NXPE2: variants seen among roughly 807,000 people sequenced by gnomAD.
NXPE2 encodes NXPE family member 2.
NXPE2 carries 34 observed loss-of-function variants against 34.4 expected under a neutral mutation model. The ratio of observed to expected loss-of-function variants is 0.99; its 90% CI spans 0.75 to 1.31. The LOEUF is 1.31. Among genes scored for constraint, NXPE2 ranks in the 40% most tolerant of loss-of-function variants. The pLI is 0.00. For synonymous variants in NXPE2, 235 were observed against 231.3 expected (o/e 1.02, Z -0.15); for missense variants, 649 against 672.5 (o/e 0.97, Z 0.39).
chr11:114,719,289 G>A, the NXPE2 span, among the ~76,000 whole-genome samples: 1 of 152,122 alleles, frequency 6.6e-6, no homozygotes, highest in African/African-American at 2.4e-5. Flanking sequence ...GAAATAATAT[G>A]TTTAAAGAAC....
At chr11:114,658,814 A>G in the NXPE2 span, among the ~76,000 whole-genome samples, 1 of 152,172 alleles carries the variant, frequency 6.6e-6, no homozygotes, top group African/African-American at 2.4e-5. Context: ...TAACACGAAC[A>G]GAAGACCTAC....
At chr11:114,692,259 G>A (rs933303633) in intron 2 of NXPE2, among the ~76,000 whole-genome samples, 2 of 152,200 alleles carry the variant, frequency 1.3e-5, no homozygotes, top group African/African-American at 4.8e-5. Context: ...CAGGCAAGTA[G>A]CATGGGCAAG....
chr11:114,639,829 T>TA, the NXPE2 span, among the ~76,000 whole-genome samples: 1 of 88,600 alleles, frequency 1.1e-5, no homozygotes, highest in Non-Finnish European at 2.2e-5. Context: ...ATATAATATA[T>TA]ATTATATTAA....
the NXPE2 span, among the ~76,000 whole-genome samples, chr11:114,474,530 G>C: frequency 6.6e-6 from 1 of 152,176 alleles, no homozygotes; most frequent in East Asian, 1.9e-4. Flanking sequence ...TATCAAGTAA[G>C]ACTTACAGTT....
At chr11:114,713,661 C>T in the NXPE2 span, among the ~76,000 whole-genome samples, 1 of 152,210 alleles carries the variant, frequency 6.6e-6, no homozygotes, top group African/African-American at 2.4e-5. Flanking sequence ...ACTGTTGTCT[C>T]AGTTGTTCAG....
the NXPE2 span, among the ~76,000 whole-genome samples, chr11:114,639,485 C>A: frequency 3.3e-5 from 5 of 151,530 alleles, no homozygotes; most frequent in Non-Finnish European, 7.4e-5. Flanking sequence ...TGTCCTGTGC[C>A]CACTGTCTGG....
the NXPE2 span, among the ~76,000 whole-genome samples, chr11:114,625,555 G>T: frequency 1.3e-5 from 2 of 151,364 alleles, no homozygotes; most frequent in Non-Finnish European, 2.9e-5. Flanking sequence ...ACTGTTACCC[G>T]GTGGATAATA....
chr11:114,568,357 T>C, the NXPE2 span, among the ~76,000 whole-genome samples: 3 of 152,132 alleles, frequency 2.0e-5, no homozygotes, highest in Non-Finnish European at 4.4e-5. Flanking sequence ...AGTCACTCTA[T>C]TAATAGAAGA....
At chr11:114,594,206 G>A in the NXPE2 span, among the ~76,000 whole-genome samples, 1 of 152,064 alleles carries the variant, frequency 6.6e-6, no homozygotes, top group South Asian at 2.1e-4. Context: ...GCACAAGAAA[G>A]GATAAATTCT....
At chr11:114,781,963 A>T in the NXPE2 span, among the ~76,000 whole-genome samples, 1 of 152,164 alleles carries the variant, frequency 6.6e-6, no homozygotes, top group African/African-American at 2.4e-5. Context: ...TAGAAATGAC[A>T]TATGTGCAGT....
At chr11:114,580,149 A>G in the NXPE2 span, 2 of 1,613,684 alleles carry the variant, frequency 1.2e-6, no homozygotes, top group Non-Finnish European at 1.7e-6. Context: ...ACTGGCTTTG[A>G]AGTATTCCAT....
the NXPE2 span, among the ~76,000 whole-genome samples, chr11:114,484,064 T>A: frequency 2.6e-5 from 4 of 152,112 alleles, no homozygotes; most frequent in Non-Finnish European, 4.4e-5. Context: ...ATGGAGAACT[T>A]GGGAAAGTTC....
the NXPE2 span, among the ~76,000 whole-genome samples, chr11:114,569,197 G>C: frequency 6.6e-6 from 1 of 151,954 alleles, no homozygotes; most frequent in African/African-American, 2.4e-5. Context: ...CATGATGAAG[G>C]GTACAAAATT....
At chr11:114,464,515 T>C in the NXPE2 span, among the ~76,000 whole-genome samples, 2 of 152,238 alleles carry the variant, frequency 1.3e-5, no homozygotes, top group Non-Finnish European at 2.9e-5. Context: ...AACCCCATTG[T>C]AATTCAATAG....
the NXPE2 span, among the ~76,000 whole-genome samples, chr11:114,540,552 G>A: frequency 6.6e-6 from 1 of 152,174 alleles, no homozygotes; most frequent in Non-Finnish European, 1.5e-5. Context: ...AGAGGAAGGA[G>A]AGTATGGATG....
At chr11:114,489,239 T>G in the NXPE2 span, among the ~76,000 whole-genome samples, 195 of 152,150 alleles carry the variant, frequency 1.3e-3, no homozygotes, top group African/African-American at 4.5e-3. Flanking sequence ...CCAAAAAAAG[T>G]CCGGGACCAG....
chr11:114,508,939 GAAAC>G, the NXPE2 span, among the ~76,000 whole-genome samples: 8 of 151,964 alleles, frequency 5.3e-5, no homozygotes, highest in South Asian at 2.1e-4. Flanking sequence ...AACAAAAACA[GAAAC>G]AAACCCTATC....
the NXPE2 span, among the ~76,000 whole-genome samples, chr11:114,753,994 G>A: frequency 1.3e-5 from 2 of 150,112 alleles, no homozygotes; most frequent in Admixed American, 1.3e-4. Flanking sequence ...ACATTGACTG[G>A]GTTTGAATGT....
the NXPE2 span, among the ~76,000 whole-genome samples, chr11:114,784,392 G>T: frequency 6.6e-6 from 1 of 152,250 alleles, no homozygotes; most frequent in East Asian, 1.9e-4. Context: ...TGCCTAGCAA[G>T]TCCCAGCACA....
Sources: gnomAD v4.1 joint callset for allele counts (sites outside exome capture counted in the v4.1 genomes callset) on GRCh38, gnomAD v4.1.1 for gene constraint, MANE v1.5 for transcripts, NCBI Gene and HGNC (gene_info 2026-07-23, HGNC 2026-07-21) for gene names.